Variants in PRIM2 observed in about 807,000 individuals in gnomAD.
PRIM2 encodes the protein DNA primase subunit 2.
In PRIM2, 39 loss-of-function variants were observed where a neutral mutation model predicts 67.3. That is an observed-to-expected ratio of 0.58 (90% CI 0.45 to 0.76). PRIM2 has a LOEUF of 0.76. Among genes scored for constraint, PRIM2 ranks in the 30% least tolerant of loss-of-function variants. The pLI is 0.00. For missense variants in PRIM2, 398 were observed against 598.7 expected (o/e 0.66, Z 3.50); for synonymous variants, 143 against 198.7 (o/e 0.72, Z 2.36).
At chr6:57,257,349 G>A in the PRIM2 span, among the ~76,000 whole-genome samples, 10 of 149,326 alleles carry the variant, frequency 6.7e-5, no homozygotes, top group Admixed American at 1.3e-4. Context: ...TCGGCTCACC[G>A]CAACCTCCAC....
At chr6:57,617,137 A>T (rs1218437212) in intron 12 of PRIM2, among the ~76,000 whole-genome samples, 1 of 152,164 alleles carries the variant, frequency 6.6e-6, no homozygotes, top group Non-Finnish European at 1.5e-5. Flanking sequence ...ATCTGTTCCC[A>T]CGTTTTTCCC....
intron 7 of PRIM2, among the ~76,000 whole-genome samples, chr6:57,432,121 G>A (rs1771853177): frequency 6.6e-6 from 1 of 152,098 alleles, no homozygotes; most frequent in Non-Finnish European, 1.5e-5. Flanking sequence ...TGGCATTTGA[G>A]GTTTCTTTTT....
chr6:57,520,369 C>T (rs1410489104), intron 8 of PRIM2, among the ~76,000 whole-genome samples: 3 of 152,170 alleles, frequency 2.0e-5, no homozygotes, highest in Non-Finnish European at 4.4e-5. Flanking sequence ...CTCGACCTCT[C>T]ACTTTTTCAT....
intron 10 of PRIM2, among the ~76,000 whole-genome samples, chr6:57,562,920 G>A (rs1775665965): frequency 6.6e-6 from 1 of 152,096 alleles, no homozygotes; most frequent in Non-Finnish European, 1.5e-5. Context: ...TATTGCAATA[G>A]CTTCCTAATT....
At chr6:57,422,741 G>A (rs1236543255) in intron 7 of PRIM2, among the ~76,000 whole-genome samples, 44 of 151,798 alleles carry the variant, frequency 2.9e-4, no homozygotes, top group Non-Finnish European at 5.9e-5. Flanking sequence ...GTATACAAAT[G>A]ATAGGGTTTT....
chr6:57,455,994 C>T (rs1434651360), intron 7 of PRIM2, among the ~76,000 whole-genome samples: 1 of 152,110 alleles, frequency 6.6e-6, no homozygotes, highest in African/African-American at 2.4e-5. Flanking sequence ...GTGACAAAAT[C>T]TCTCAGCATT....
rs528153026 is a variant in PRIM2, at chr6:57,388,093, G to A, written c.693+5925G>A. Among the ~76,000 whole-genome samples the A allele has an allele frequency of 1.3e-3, 191 of 152,298 alleles. 5 individuals carry two copies. The East Asian group carries it at 0.016, about 13-fold the overall frequency. On this transcript the variant is annotated intron_variant, in intron 7 of 13. Coordinates refer to ENST00000615550, the MANE Select transcript of PRIM2 (RefSeq NM_000947.5). Reference sequence around the variant, plus strand: ...GAGCTACGGTAGAGTGCTACCATGTGAGGCTGCAATGGCTAGGTGTAGACT... The same window carrying A: ...GAGCTACGGTAGAGTGCTACCATGTAAGGCTGCAATGGCTAGGTGTAGACT...
intron 8 of PRIM2, among the ~76,000 whole-genome samples, chr6:57,515,277 C>T (rs1774459417): frequency 6.6e-6 from 1 of 152,014 alleles, no homozygotes; most frequent in Non-Finnish European, 1.5e-5. Context: ...AAACCTGTGG[C>T]AAAAAATTAT....
At chr6:57,340,723 T>G (rs12180937) in intron 5 of PRIM2, among the ~76,000 whole-genome samples, 19,435 of 151,278 alleles carry the variant, frequency 0.13, 1,390 homozygotes, top group African/African-American at 0.18. Context: ...GGGGTAGGGG[T>G]GAGGGATAGC....
the PRIM2 span, among the ~76,000 whole-genome samples, chr6:57,302,525 T>C: frequency 4.5e-3 from 688 of 152,344 alleles, 8 homozygotes; most frequent in African/African-American, 0.016. Flanking sequence ...ATATAAAATG[T>C]CATCACTAAG....
intron 10 of PRIM2, among the ~76,000 whole-genome samples, chr6:57,584,434 A>G (rs1488143280): frequency 1.3e-5 from 2 of 152,172 alleles, no homozygotes; most frequent in Non-Finnish European, 2.9e-5. Flanking sequence ...ATTCTATTTA[A>G]TACTTATTCT....
chr6:57,322,844 A>G (rs992299506), intron 3 of PRIM2, among the ~76,000 whole-genome samples: 12 of 152,120 alleles, frequency 7.9e-5, no homozygotes, highest in African/African-American at 2.9e-4. Flanking sequence ...TATTTTCTGT[A>G]AAGTAGGTGA....
At chr6:57,298,780 A>G in the PRIM2 span, among the ~76,000 whole-genome samples, 1 of 152,174 alleles carries the variant, frequency 6.6e-6, no homozygotes, top group Admixed American at 6.5e-5. Context: ...ACATAAAGAA[A>G]ATGCATTTTA....
In PRIM2 at chr6:57,631,344, T is replaced by C. The variant is rs1777036045; in HGVS notation, c.1231-789T>C. ...TACTGCATTTGATAAATAGGCCAATTATGTGTTTTATTTATTTGAGGGCTT... is the reference window on the plus strand; with the variant it reads ...TACTGCATTTGATAAATAGGCCAATCATGTGTTTTATTTATTTGAGGGCTT... On this transcript the variant is annotated intron_variant, in intron 12 of 13. Coordinates refer to ENST00000615550, the MANE Select transcript of PRIM2 (RefSeq NM_000947.5). 2.0e-5 allele frequency among the ~76,000 whole-genome samples: 3 copies of C among 152,172 alleles called. No individual in the cohort carries two copies. The South Asian group carries it at 6.2e-4, about 32-fold the overall frequency.
chr6:57,273,349 C>G, the PRIM2 span, among the ~76,000 whole-genome samples: 5 of 152,148 alleles, frequency 3.3e-5, no homozygotes, highest in African/African-American at 1.2e-4. Flanking sequence ...TTTCTCTAAA[C>G]TTCTCTTCTC....
At chr6:57,290,667 C>T in the PRIM2 span, among the ~76,000 whole-genome samples, 1 of 152,184 alleles carries the variant, frequency 6.6e-6, no homozygotes, top group Non-Finnish European at 1.5e-5. Context: ...GACCACAGTG[C>T]AATCAAATTA....
At chr6:57,469,941 T>G (rs1432489379) in intron 7 of PRIM2, among the ~76,000 whole-genome samples, 1 of 152,112 alleles carries the variant, frequency 6.6e-6, no homozygotes, top group Non-Finnish European at 1.5e-5. Flanking sequence ...TCTGTAAACT[T>G]TGCTCACTTA....
At position 57,446,418 on chromosome 6, in the gene PRIM2, C is replaced by CTTCTTTTTTTTTTTTTTTTTTTTT. The variant is rs1772366659; in HGVS notation, c.694-60967_694-60966insCTTTTTTTTTTTTTTTTTTTTTTT. On this transcript the variant is annotated intron_variant, in intron 7 of 13. Coordinates refer to ENST00000615550, the MANE Select transcript of PRIM2 (RefSeq NM_000947.5). ...GGCATAGGCCTGGCACACGCCACTTCTTTTTTTTTTTTTTTGAGACAGTCT... is the reference window on the plus strand; with the variant it reads ...GGCATAGGCCTGGCACACGCCACTTCTTCTTTTTTTTTTTTTTTTTTTTTTTTTTTTTTTTTTTTGAGACAGTCT... Among the ~76,000 whole-genome samples the CTTCTTTTTTTTTTTTTTTTTTTTT allele has an allele frequency of 4.8e-5, 4 of 83,812 alleles. 1 individual carries two copies. The highest frequency in any genetic ancestry group is 1.5e-4 in the African/African-American group (3 of 20,576). The allele number at this position is 83,812 out of a possible 152,430, so 55.0% of individuals were successfully genotyped here.
chr6:57,633,349 T>C (rs1777065810), intron 13 of PRIM2, among the ~76,000 whole-genome samples: 1 of 152,222 alleles, frequency 6.6e-6, no homozygotes, highest in Non-Finnish European at 1.5e-5. Flanking sequence ...GTCCATGTTA[T>C]TTATTAAAGA....
Sources: gnomAD v4.1 joint callset for allele counts (sites outside exome capture counted in the v4.1 genomes callset) on GRCh38, gnomAD v4.1.1 for gene constraint, MANE v1.5 for transcripts, NCBI Gene and HGNC (gene_info 2026-07-23, HGNC 2026-07-21) for gene names.